Variants in NTRK3 observed in about 807,000 individuals in gnomAD.
NTRK3 encodes the protein neurotrophic receptor tyrosine kinase 3.
Under a neutral mutation model 91.7 loss-of-function variants are expected in NTRK3, and 24 were observed. That is an observed-to-expected ratio of 0.26 (90% CI 0.19 to 0.37). The LOEUF (loss-of-function observed/expected upper bound fraction) is 0.37. NTRK3 is among the 10% of genes least tolerant of loss of function. NTRK3 has a pLI of 1.00. For missense variants in NTRK3, 880 were observed against 1,068.9 expected, an observed-to-expected ratio of 0.82 and a Z score of 2.46; for synonymous variants, 483 against 404.0, an observed-to-expected ratio of 1.20 and a Z score of -2.34.
In NTRK3 at chr15:88,235,560, G is replaced by T. The variant is rs750853089; in HGVS notation, c.248+20346C>A. Among the ~76,000 whole-genome samples, 12 of 152,166 alleles carry T rather than the reference G, an allele frequency of 7.9e-5. No homozygotes were observed. The highest frequency in any genetic ancestry group is 1.9e-4 in the East Asian group (1 of 5,188). On this transcript the variant is annotated intron_variant, in intron 3 of 18. Coordinates refer to ENST00000394480, the Ensembl canonical transcript of NTRK3. This position sits in a 1 kb window ranked among gnomAD's most constrained non-coding sequence, Gnocchi z 5.2. ...CACATGAGACTCAGCCTGGGCCCCTGGGAGGAGCAGCACAACTGGGGTGGA... is the reference window on the plus strand; with the variant it reads ...CACATGAGACTCAGCCTGGGCCCCTTGGAGGAGCAGCACAACTGGGGTGGA...
At chr15:88,186,186 G>C (rs1214064279) in intron 3 of NTRK3, among the ~76,000 whole-genome samples, 1 of 152,174 alleles carries the variant, frequency 6.6e-6, no homozygotes, top group Non-Finnish European at 1.5e-5. Flanking sequence ...TCATTCACAG[G>C]ACTCCAGCTT....
At chr15:88,226,774 T>G (rs2050714040) in intron 3 of NTRK3, among the ~76,000 whole-genome samples, 1 of 152,192 alleles carries the variant, frequency 6.6e-6, no homozygotes, top group Non-Finnish European at 1.5e-5. Flanking sequence ...CACACTCAAC[T>G]TGTAGAGAGC....
exon 19 of NTRK3, chr15:87,876,485 C>G (rs2064953846): frequency 8.8e-6 from 2 of 226,512 alleles, no homozygotes; most frequent in Non-Finnish European, 1.7e-5. Context: ...CGTCCCAGAG[C>G]TCTCATCCCA....
In NTRK3 at chr15:87,888,243, A is replaced by G. The variant is rs545346759; in HGVS notation, c.2134-7815T>C. 2.6e-5 allele frequency among the ~76,000 whole-genome samples: 4 copies of G among 152,326 alleles called. No homozygotes were observed. In the South Asian group the frequency reaches 8.3e-4, roughly 32 times the overall value. ...AATTAAAGAATGCAATCCTGGTTGC[A>G]TTATTAAGACCGTTTCTCAGAAAAA... On this transcript the variant is annotated intron_variant, in intron 17 of 18. Coordinates refer to ENST00000394480, the Ensembl canonical transcript of NTRK3.
intron 13 of NTRK3, chr15:88,098,621 G>C (rs1455100856): frequency 4.3e-6 from 1 of 230,750 alleles, no homozygotes; most frequent in African/African-American, 2.2e-5. Context: ...GGCGAGGTTG[G>C]AGTGAGGCCT....
intron 17 of NTRK3, among the ~76,000 whole-genome samples, chr15:87,925,903 C>T (rs1395550824): frequency 1.3e-5 from 2 of 152,170 alleles, no homozygotes; most frequent in African/African-American, 2.4e-5. Context: ...GTTGTCTTGG[C>T]TTGGATGTGA....
chr15:87,867,062 A>T (rs1232502610), exon 19 of NTRK3: 1 of 223,770 alleles, frequency 4.5e-6, no homozygotes, highest in Non-Finnish European at 8.9e-6. Flanking sequence ...TTCCTAACCA[A>T]GCCAGAAGGA....
chr15:88,155,060 C>T (rs1028939650), intron 5 of NTRK3, among the ~76,000 whole-genome samples: 7 of 152,178 alleles, frequency 4.6e-5, no homozygotes, highest in African/African-American at 7.2e-5. Context: ...GTGTTGTCTA[C>T]GGTCATGTTC....
At chr15:87,868,240 T>C (rs2064740741) in exon 19 of NTRK3, 1 of 229,668 alleles carries the variant, frequency 4.4e-6, no homozygotes, top group South Asian at 1.8e-4. Context: ...TAGTTTGCAC[T>C]ATGAGCACGA....
intron 10 of NTRK3, 33 bp downstream of exon 10, chr15:88,135,068 C>T (rs2041745399): frequency 6.2e-7 from 1 of 1,613,138 alleles, no homozygotes; most frequent in Non-Finnish European, 8.5e-7. Flanking sequence ...AGAAAGAATC[C>T]ATACACCTCC....
intron 13 of NTRK3, among the ~76,000 whole-genome samples, chr15:88,118,073 T>G (rs1017744974): frequency 1.1e-4 from 16 of 152,240 alleles, no homozygotes; most frequent in African/African-American, 3.9e-4. Context: ...AGCCGTTGGC[T>G]TGGTGGCTGC....
intron 3 of NTRK3, among the ~76,000 whole-genome samples, chr15:88,213,045 G>A (rs550635972): frequency 6.6e-6 from 1 of 152,340 alleles, no homozygotes; most frequent in South Asian, 2.1e-4. Context: ...TATGTGTGAG[G>A]TTTAAGCCAT....
At chr15:87,955,721 C>T (rs527974626) in intron 14 of NTRK3, among the ~76,000 whole-genome samples, 114 of 152,238 alleles carry the variant, frequency 7.5e-4, no homozygotes, top group African/African-American at 2.6e-3. Context: ...CAGCCCCCTG[C>T]CTAGTGGTAC....
chr15:88,245,400 C>T (rs1003079179), intron 3 of NTRK3, among the ~76,000 whole-genome samples: 16 of 152,146 alleles, frequency 1.1e-4, no homozygotes, highest in Non-Finnish European at 2.4e-4. Flanking sequence ...AGTAATGTGC[C>T]TAAGCCTATA....
intron 17 of NTRK3, among the ~76,000 whole-genome samples, chr15:87,905,079 C>T (rs917424749): frequency 6.6e-6 from 1 of 152,084 alleles, no homozygotes; most frequent in Non-Finnish European, 1.5e-5. Context: ...AAGACCACAG[C>T]GAGGGACATC....
Position 88,154,158 on chromosome 15 carries a change from G to A in NTRK3, c.396-6755C>T, listed in dbSNP as rs2043668393. On this transcript the variant is annotated intron_variant, in intron 5 of 18. Coordinates refer to ENST00000394480, the Ensembl canonical transcript of NTRK3. ...AAACCACAGAAGGATGAAACTAGCA[G>A]CCTACTGCCCACTTCTCCAAGAGCC... Among the ~76,000 whole-genome samples, 3 of 148,480 alleles carry A rather than the reference G, an allele frequency of 2.0e-5. No homozygotes were observed. In the South Asian group the frequency reaches 6.4e-4, roughly 32 times the overall value.
At chr15:88,174,658 C>G (rs912047949) in intron 5 of NTRK3, among the ~76,000 whole-genome samples, 1 of 152,242 alleles carries the variant, frequency 6.6e-6, no homozygotes, top group African/African-American at 2.4e-5. Flanking sequence ...CAGGGGGAAA[C>G]AGCTGTGCAC....
intron 6 of NTRK3, among the ~76,000 whole-genome samples, chr15:88,142,021 C>G (rs2042431220): frequency 6.6e-6 from 1 of 152,244 alleles, no homozygotes; most frequent in Non-Finnish European, 1.5e-5. Flanking sequence ...GACACACACA[C>G]AGCAGAAAAC....
intron 11 of NTRK3, 89 bp downstream of exon 11, chr15:88,128,622 T>G: frequency 7.4e-7 from 1 of 1,360,194 alleles, no homozygotes. Context: ...AGGGATGATG[T>G]GGAATAGGAG....
Sources: allele counts gnomAD v4.1 joint callset (sites outside exome capture counted in the v4.1 genomes callset), GRCh38; gene constraint gnomAD v4.1.1; non-coding constraint Gnocchi (gnomAD v3.1); transcripts MANE v1.5; gene names NCBI Gene and HGNC (gene_info 2026-07-23, HGNC 2026-07-21).